The following PRH1 variants were observed in gnomAD, a reference collection of about 807,000 sequenced individuals.
PRH1 encodes proline rich protein HaeIII subfamily 1, also known as salivary acidic proline-rich phosphoprotein 1/2.
PRH1 carries 7 observed loss-of-function variants against 7.9 expected under a neutral mutation model. The observed-to-expected ratio is 0.89, with a 90% CI of 0.50 to 1.67. PRH1 has a LOEUF of 1.67. Ranked by LOEUF, PRH1 falls within the 40% of genes most tolerant of loss-of-function variation. The pLI, the probability that PRH1 is intolerant of heterozygous loss-of-function variation, is 0.00. For missense variants in PRH1, 109 were observed against 223.6 expected (o/e 0.49, Z 3.27); for synonymous variants, 45 against 80.8 (o/e 0.56, Z 2.38).
intron 1 of PRH1, among the ~76,000 whole-genome samples, chr12:11,073,821 C>G (rs1284144041): frequency 6.6e-6 from 1 of 152,152 alleles, no homozygotes; most frequent in Non-Finnish European, 1.5e-5. Flanking sequence ...CCATCAAGCC[C>G]GTAGGAGAGG....
intron 2 of PRH1, among the ~76,000 whole-genome samples, chr12:10,967,808 T>G (rs1203774619): frequency 1.3e-5 from 2 of 152,262 alleles, no homozygotes; most frequent in African/African-American, 4.8e-5. Context: ...TTTATTTTGC[T>G]TATAATGTAG....
chr12:10,991,674 T>G (rs1426083400), intron 1 of PRH1, among the ~76,000 whole-genome samples: 3 of 135,776 alleles, frequency 2.2e-5, no homozygotes, highest in Admixed American at 1.5e-4. Flanking sequence ...GGAGACTGCA[T>G]GAGATCACCA....
intron 1 of PRH1, among the ~76,000 whole-genome samples, chr12:11,163,408 A>G (rs1177043541): frequency 2.6e-5 from 4 of 152,200 alleles, no homozygotes; most frequent in Admixed American, 2.0e-4. Flanking sequence ...GATTTAACTA[A>G]AAGAGGAATT....
intron 1 of PRH1, among the ~76,000 whole-genome samples, chr12:11,064,967 T>G (rs1175866621): frequency 6.6e-6 from 1 of 151,810 alleles, no homozygotes; most frequent in Non-Finnish European, 1.5e-5. Flanking sequence ...ATCCCGGGAG[T>G]TCCAGACTGC....
chr12:11,022,661 T>C (rs1591829290), intron 1 of PRH1: 1 of 956,466 alleles, frequency 1.0e-6, no homozygotes, highest in South Asian at 1.7e-5. Context: ...ACTTGATTAC[T>C]AAATGTGCAA....
intron 2 of PRH1, among the ~76,000 whole-genome samples, chr12:10,910,022 A>AAT (rs1010907395): frequency 2.6e-5 from 4 of 152,192 alleles, no homozygotes; most frequent in Non-Finnish European, 5.9e-5. Flanking sequence ...TAAACTTAAA[A>AAT]GTGATAAAAA....
In PRH1 at chr12:11,092,782, T is replaced by C. The variant is rs1208467947; in HGVS notation, n.124-45594A>G. ...TCAATCTAATAAAACTGGGTGTGAT[T>C]GCTTGAATATCCTGACCTTAAATTC... is the stretch of plus-strand genomic sequence containing the variant. On this transcript the variant is annotated intron_variant and non_coding_transcript_variant, in intron 1 of 4. Transcript: ENST00000541977. Among the ~76,000 whole-genome samples the C allele has an allele frequency of 1.7e-5, 2 of 115,816 alleles. 1 individual carries two copies. Among genetic ancestry groups the C allele is most frequent in the African/African-American group, 5.8e-5 (2 of 34,556 alleles). The allele number at this position is 115,816 out of a possible 152,430, so 76.0% of individuals were successfully genotyped here. A position where few individuals can be genotyped will look rare whatever the true frequency, so the allele number is the denominator to read the frequency against.
At chr12:11,159,400 A>T (rs1363070313) in intron 1 of PRH1, 1 of 150,996 alleles carries the variant, frequency 6.6e-6, no homozygotes, top group Non-Finnish European at 1.5e-5. Flanking sequence ...CAGGTGGCAA[A>T]CTAGATACTT....
chr12:10,960,031 C>T (rs910325965), intron 2 of PRH1, among the ~76,000 whole-genome samples: 21 of 152,174 alleles, frequency 1.4e-4, no homozygotes, highest in African/African-American at 5.1e-4. Flanking sequence ...GAAGACTAAC[C>T]ATTGGCAACA....
chr12:11,050,594 T>A (rs1202987400), upstream of PRH1, among the ~76,000 whole-genome samples: 1 of 152,258 alleles, frequency 6.6e-6, no homozygotes, highest in African/African-American at 2.4e-5. Context: ...ACATAGGCCT[T>A]TGGTAAATTT....
chr12:10,896,209 G>C (rs1949642613), intron 2 of PRH1, among the ~76,000 whole-genome samples: 1 of 152,132 alleles, frequency 6.6e-6, no homozygotes, highest in Non-Finnish European at 1.5e-5. Flanking sequence ...AATTGAAGTA[G>C]ATTCTCCTTT....
In PRH1 at chr12:11,092,174, A is replaced by G. The variant is rs1944938585; in HGVS notation, n.124-44986T>C. The stretch of plus-strand genomic sequence containing the variant: ...TATGAAGCCATTAGCAAAATTTCCA[A>G]TAACAAATGTAACCACTACCAGACT... On this transcript the variant is annotated intron_variant and non_coding_transcript_variant, in intron 1 of 4. Coordinates refer to the PRH1 transcript ENST00000541977. The G allele has an allele frequency of 3.7e-6, 5 of 1,356,408 alleles. No individual in the cohort carries two copies. In the East Asian group the frequency reaches 6.9e-5, roughly 19 times the overall value. 84.0% of individuals were successfully genotyped at this position (1,356,408 alleles called of 1,614,324 possible).
At chr12:11,002,073 T>C (rs569572203) in intron 1 of PRH1, among the ~76,000 whole-genome samples, 10 of 152,286 alleles carry the variant, frequency 6.6e-5, no homozygotes, top group East Asian at 3.9e-4. Context: ...AACTAAACTA[T>C]ACTTAAAAAT....
At chr12:11,069,224 G>A (rs76269326) in intron 1 of PRH1, among the ~76,000 whole-genome samples, 66,326 of 123,142 alleles carry the variant, frequency 0.54, 14,034 homozygotes, top group Non-Finnish European at 0.62. Flanking sequence ...ACCTGGTACT[G>A]TTACTTCTAA....
chr12:11,040,404 T>A (rs749215908), intron 1 of PRH1, among the ~76,000 whole-genome samples: 5 of 152,246 alleles, frequency 3.3e-5, no homozygotes, highest in Non-Finnish European at 7.3e-5. Context: ...GATGAGTTCA[T>A]GTCCTTTGCA....
At chr12:10,997,854 C>A (rs772704784) in intron 1 of PRH1, 1 of 1,601,302 alleles carries the variant, frequency 6.2e-7, no homozygotes, top group Non-Finnish European at 8.5e-7. Flanking sequence ...ATGGAAAAAA[C>A]AATGTGTAGA....
chr12:10,980,740 G>C (rs1486262062), intron 1 of PRH1, among the ~76,000 whole-genome samples: 1 of 150,900 alleles, frequency 6.6e-6, no homozygotes, highest in African/African-American at 2.4e-5. Context: ...TTAGAGACAA[G>C]AGAGAACTAG....
chr12:11,143,857 T>C (rs1219963150), intron 1 of PRH1, among the ~76,000 whole-genome samples: 1 of 152,104 alleles, frequency 6.6e-6, no homozygotes, highest in Non-Finnish European at 1.5e-5. Context: ...AATACTGTAA[T>C]AGATGGAGAT....
intron 1 of PRH1, among the ~76,000 whole-genome samples, chr12:11,151,228 G>A (rs779042974): frequency 2.6e-5 from 4 of 151,252 alleles, no homozygotes; most frequent in Non-Finnish European, 4.4e-5. Flanking sequence ...AAATGCACAC[G>A]AAGTTGCAGG....
Sources: gnomAD v4.1 joint callset for allele counts (sites outside exome capture counted in the v4.1 genomes callset) on GRCh38, gnomAD v4.1.1 for gene constraint, MANE v1.5 for transcripts, NCBI Gene and HGNC (gene_info 2026-07-23, HGNC 2026-07-21) for gene names.